The following STIM2 variants were observed in gnomAD, a reference collection of about 807,000 sequenced individuals.
STIM2 encodes the protein stromal interaction molecule 2.
In STIM2, 31 loss-of-function variants were observed where a neutral mutation model predicts 85.8. That is an observed-to-expected ratio of 0.36 (90% confidence interval 0.27 to 0.49). STIM2 has a LOEUF of 0.49. Ranked by LOEUF, STIM2 falls within the 20% of genes least tolerant of loss-of-function variation. STIM2 has a pLI of 0.98. For synonymous variants in STIM2, 356 were observed against 331.1 expected (o/e 1.08, Z -0.82); for missense variants, 841 against 927.6 (o/e 0.91, Z 1.21).
chr4:26,948,168 A>G (rs1053214201), intron 2 of STIM2, among the ~76,000 whole-genome samples: 1 of 152,194 alleles, frequency 6.6e-6, no homozygotes, highest in South Asian at 2.1e-4. Context: ...TGCTGGCCGT[A>G]TTATTCTCAG....
chr4:26,938,536 A>ACTCT (rs1365554812), intron 2 of STIM2, among the ~76,000 whole-genome samples: 1 of 152,180 alleles, frequency 6.6e-6, no homozygotes, highest in African/African-American at 2.4e-5. Context: ...CTATGAACCT[A>ACTCT]TCCAGCATTT....
intron 2 of STIM2, among the ~76,000 whole-genome samples, chr4:26,928,560 A>G (rs1393105361): frequency 6.6e-6 from 1 of 152,066 alleles, no homozygotes; most frequent in Admixed American, 6.6e-5. Flanking sequence ...TTTTATAGAG[A>G]TGAGAGTCTT....
At chr4:26,862,677 A>C (rs989654843) in intron 1 of STIM2, among the ~76,000 whole-genome samples, 3 of 152,232 alleles carry the variant, frequency 2.0e-5, no homozygotes, top group African/African-American at 7.2e-5. Context: ...ATGGAACTTG[A>C]TACATCAAAC....
At chr4:26,863,493 C>A (rs1722293592) in intron 1 of STIM2, among the ~76,000 whole-genome samples, 1 of 152,000 alleles carries the variant, frequency 6.6e-6, no homozygotes, top group Non-Finnish European at 1.5e-5. Context: ...TTGAAAATTT[C>A]TTTGAACTAT....
intron 5 of STIM2, among the ~76,000 whole-genome samples, chr4:26,999,836 A>G (rs1728086170): frequency 6.6e-6 from 1 of 152,164 alleles, no homozygotes; most frequent in Admixed American, 6.5e-5. Flanking sequence ...TGGCAGGAGC[A>G]AGAAGTAGAA....
In STIM2 at chr4:27,023,176, G is replaced by GA. The variant is rs1382660385; in HGVS notation, c.*181dup. 3 of 622,498 alleles carry GA rather than the reference G, an allele frequency of 4.8e-6. No individual in the cohort carries two copies. The highest frequency in any genetic ancestry group is 8.5e-6 in the Non-Finnish European group (3 of 353,466). The allele number at this position is 622,498 out of a possible 1,614,324, so 38.6% of individuals were successfully genotyped here. On this transcript the variant is annotated 3_prime_UTR_variant, in exon 12 of 12. Coordinates refer to ENST00000467087, the MANE Select transcript of STIM2 (RefSeq NM_020860.4). ...CTGTCTACTGTCTGCTTATTTAAGT[G>GA]ACTATATATAATCAATTCATCAAGC...
At chr4:26,915,702 T>C (rs1260803016) in intron 1 of STIM2, among the ~76,000 whole-genome samples, 1 of 152,216 alleles carries the variant, frequency 6.6e-6, no homozygotes, top group East Asian at 1.9e-4. Flanking sequence ...GCTGGTTTCT[T>C]TTCCCTCAGC....
At chr4:27,017,681 T>G in intron 10 of STIM2, 30 bp from the exon 11 acceptor site, 1 of 1,610,786 alleles carries the variant, frequency 6.2e-7, no homozygotes, top group South Asian at 1.1e-5. Flanking sequence ...CTGGACTTCA[T>G]GAGCATGTTT....
At chr4:27,006,338 G>T (rs192550017) in intron 7 of STIM2, among the ~76,000 whole-genome samples, 1 of 152,034 alleles carries the variant, frequency 6.6e-6, no homozygotes, top group African/African-American at 2.4e-5. Flanking sequence ...ACTCTTGTTG[G>T]TTTATTCTGG....
At chr4:26,887,841 A>G (rs1054152985) in intron 1 of STIM2, among the ~76,000 whole-genome samples, 31 of 152,348 alleles carry the variant, frequency 2.0e-4, no homozygotes, top group Middle Eastern at 3.4e-3. Context: ...ACATATCTAC[A>G]TAGATAGACA....
At chr4:26,947,205 T>G (rs1725865801) in intron 2 of STIM2, among the ~76,000 whole-genome samples, 1 of 152,166 alleles carries the variant, frequency 6.6e-6, no homozygotes, top group Admixed American at 6.6e-5. Context: ...GGAGGGATGC[T>G]GTTCTTCTTT....
chr4:26,964,878 A>T (rs181672251), intron 3 of STIM2, among the ~76,000 whole-genome samples: 1 of 152,292 alleles, frequency 6.6e-6, no homozygotes, highest in Non-Finnish European at 1.5e-5. Context: ...CACCTACAGA[A>T]GTTAAGTAAA....
In STIM2 at chr4:26,919,496, T is replaced by G. The variant is rs1175661468; in HGVS notation, c.152-8T>G. 8 of 1,613,040 alleles carry G rather than the reference T, an allele frequency of 5.0e-6. No individual in the cohort carries two copies. The highest frequency in any genetic ancestry group is 6.8e-6 in the Non-Finnish European group (8 of 1,179,574). On this transcript the variant is annotated splice_region_variant and splice_polypyrimidine_tract_variant and intron_variant, in intron 1 of 11. Transcript: ENST00000467087. ...GCAAGTTAGTAATTGCCCTTTGTTC[T>G]CTTTCAGATCCCTGCATGTCACTGA... is the stretch of plus-strand genomic sequence containing the variant.
rs561382168 is a variant in STIM2 at position 27,016,558 on chromosome 4, A to G, written c.1490-1153A>G. Among the ~76,000 whole-genome samples, 290 of 152,336 alleles carry G rather than the reference A, an allele frequency of 1.9e-3. 1 individual carries two copies. The highest frequency in any genetic ancestry group is 3.3e-3 in the Non-Finnish European group (223 of 68,028). ...GTATGAACTTGCACTCCAATCTAATATGAGATGTAGGCTCAGAGTATTGAG... is the reference window on the plus strand; with the variant it reads ...GTATGAACTTGCACTCCAATCTAATGTGAGATGTAGGCTCAGAGTATTGAG... On this transcript the variant is annotated intron_variant, in intron 10 of 11. Transcript: ENST00000467087.
intron 1 of STIM2, among the ~76,000 whole-genome samples, chr4:26,914,122 T>A (rs1724444750): frequency 1.3e-5 from 2 of 152,200 alleles, no homozygotes; most frequent in South Asian, 4.1e-4. Context: ...TTATTAATGT[T>A]TTTTTCTCCT....
rs116340778 is a variant in STIM2 at position 27,001,667 on chromosome 4, A to G, written c.626-550A>G. On this transcript the variant is annotated intron_variant, in intron 5 of 11. Transcript: ENST00000467087. ...CTCCCCCAAGTTGAGACAACCCAAA[A>G]TTGTCAAATGTCTGCTAGGGGTGGG... Among the ~76,000 whole-genome samples the G allele has an allele frequency of 1.1e-3, 173 of 152,260 alleles. 1 individual carries two copies. The highest frequency in any genetic ancestry group is 3.9e-3 in the African/African-American group (162 of 41,554).
At chr4:26,923,169 T>C (rs1724871767) in intron 2 of STIM2, among the ~76,000 whole-genome samples, 2 of 151,208 alleles carry the variant, frequency 1.3e-5, no homozygotes, top group African/African-American at 2.4e-5. Context: ...GAGGGTCCTG[T>C]CTGTTAGAAG....
At position 26,919,490 on chromosome 4, in the gene STIM2, T is replaced by G. The variant is rs1724718778; in HGVS notation, c.152-14T>G. 3 of 1,613,044 alleles carry G rather than the reference T, an allele frequency of 1.9e-6. No homozygotes were observed. The highest frequency in any genetic ancestry group is 2.5e-6 in the Non-Finnish European group (3 of 1,179,530). On this transcript the variant is annotated splice_polypyrimidine_tract_variant and intron_variant, in intron 1 of 11. Coordinates refer to ENST00000467087, the MANE Select transcript of STIM2 (RefSeq NM_020860.4). The stretch of plus-strand genomic sequence containing the variant: ...GGTATGGCAAGTTAGTAATTGCCCT[T>G]TGTTCTCTTTCAGATCCCTGCATGT...
chr4:26,961,399 C>T (rs1220988742), intron 3 of STIM2, among the ~76,000 whole-genome samples: 2 of 152,074 alleles, frequency 1.3e-5, no homozygotes, highest in African/African-American at 2.4e-5. Context: ...GTGACTTTTG[C>T]GTTGATGTGA....
Sources: gnomAD v4.1 joint callset for allele counts (sites outside exome capture counted in the v4.1 genomes callset) on GRCh38, gnomAD v4.1.1 for gene constraint, MANE v1.5 for transcripts, NCBI Gene and HGNC (gene_info 2026-07-23, HGNC 2026-07-21) for gene names.